KIAA0513: variants seen among roughly 807,000 people sequenced by gnomAD.
The protein encoded by KIAA0513 is uncharacterized protein KIAA0513.
KIAA0513 carries 39 observed loss-of-function variants against 56.5 expected under a neutral mutation model. The observed-to-expected ratio is 0.69, with a 90% CI of 0.53 to 0.90. KIAA0513 has a LOEUF of 0.90. KIAA0513 is among the 40% of genes least tolerant of loss of function. The probability of loss-of-function intolerance (pLI) is 0.00; values close to 1 mark genes in which losing one functional copy is unlikely to be tolerated. For synonymous variants in KIAA0513, 268 were observed against 215.6 expected (o/e 1.24, Z -2.13); for missense variants, 591 against 535.2 (o/e 1.10, Z -1.03).
At chr16:85,077,221 G>T (rs1385123833) in intron 5 of KIAA0513, among the ~76,000 whole-genome samples, 5 of 152,154 alleles carry the variant, frequency 3.3e-5, no homozygotes, top group Non-Finnish European at 7.4e-5. Context: ...CACAGCAGGT[G>T]CTGGGGGCAC....
chr16:85,043,009 ATTTT>A (rs1410776324), intron 1 of KIAA0513, among the ~76,000 whole-genome samples: 1 of 152,210 alleles, frequency 6.6e-6, no homozygotes, highest in Non-Finnish European at 1.5e-5. Flanking sequence ...AAACATCTTT[ATTTT>A]TAACAACTAC....
chr16:85,029,703 G>A (rs955871045), intron 1 of KIAA0513, among the ~76,000 whole-genome samples: 3 of 152,128 alleles, frequency 2.0e-5, no homozygotes, highest in Non-Finnish European at 4.4e-5. Flanking sequence ...CAGCAGCCTG[G>A]GGCAGTTTTT....
rs190500758 is a variant in KIAA0513, at chr16:85,089,288, T to G, written c.*963T>G. 4 of 152,464 alleles carry G rather than the reference T, an allele frequency of 2.6e-5. No homozygotes were observed. Among genetic ancestry groups the G allele is most frequent in the Non-Finnish European group, 4.4e-5 (3 of 68,122 alleles). The allele number at this position is 152,464 out of a possible 1,614,324, so 9.4% of individuals were successfully genotyped here. ...AGTCTGAGTTGGGAGTGACAGTGGC[T>G]GGAGAGAAGCAGATCTGTGCAACGT... On this transcript the variant is annotated 3_prime_UTR_variant, in exon 13 of 13. Transcript: ENST00000683363. This position sits in a 1 kb window ranked among gnomAD's most constrained non-coding sequence, Gnocchi z 4.2.
chr16:85,037,947 C>G (rs113616263), intron 1 of KIAA0513, among the ~76,000 whole-genome samples: 1 of 152,206 alleles, frequency 6.6e-6, no homozygotes, highest in East Asian at 1.9e-4. Flanking sequence ...TGCTAGCATG[C>G]CAGTCCACTC....
At chr16:85,061,639 C>G (rs1250506625) in intron 1 of KIAA0513, among the ~76,000 whole-genome samples, 1 of 152,156 alleles carries the variant, frequency 6.6e-6, no homozygotes. Flanking sequence ...CTGCAGGGAG[C>G]TCTTGTCTGA....
At chr16:85,067,516 T>G (rs372989477) in intron 2 of KIAA0513, 116 bp downstream of exon 2, 16 of 803,416 alleles carry the variant, frequency 2.0e-5, no homozygotes, top group African/African-American at 1.7e-4. Context: ...GAGCTTCCAT[T>G]TCCCCATCAG....
intron 1 of KIAA0513, among the ~76,000 whole-genome samples, chr16:85,044,516 T>A (rs76494307): frequency 0.02 from 3,007 of 151,834 alleles, 35 homozygotes; most frequent in Non-Finnish European, 0.022. Context: ...TTTTATTTTT[T>A]TTTTTTTTTG....
chr16:85,028,076 C>T (rs1171811340), intron 1 of KIAA0513, among the ~76,000 whole-genome samples: 1 of 152,142 alleles, frequency 6.6e-6, no homozygotes, highest in African/African-American at 2.4e-5. Flanking sequence ...GGCTCCTCGC[C>T]TGCTGGGAGG....
At chr16:85,035,605 C>G (rs2073024791) in intron 1 of KIAA0513, among the ~76,000 whole-genome samples, 2 of 152,194 alleles carry the variant, frequency 1.3e-5, no homozygotes, top group South Asian at 4.1e-4. Context: ...ATCCTCCCAC[C>G]TCAGCCTGCC....
chr16:85,042,379 G>A (rs1403735775), intron 1 of KIAA0513, among the ~76,000 whole-genome samples: 2 of 151,868 alleles, frequency 1.3e-5, no homozygotes, highest in Non-Finnish European at 2.9e-5. Flanking sequence ...ATCCACCCCG[G>A]TGTACTGCAG....
chr16:85,071,598 G>C (rs192763404), intron 2 of KIAA0513, among the ~76,000 whole-genome samples, 185 bp from the exon 3 acceptor site: 1 of 152,328 alleles, frequency 6.6e-6, no homozygotes, highest in East Asian at 1.9e-4. Context: ...CCTCGCCTTT[G>C]AAATAATAGT....
intron 1 of KIAA0513, among the ~76,000 whole-genome samples, chr16:85,033,155 T>C (rs911990633): frequency 2.0e-5 from 3 of 152,206 alleles, no homozygotes; most frequent in South Asian, 2.1e-4. Flanking sequence ...ATGATCCTTA[T>C]GATTTGCGAG....
At chr16:85,085,355 C>T (rs1331707749) in intron 10 of KIAA0513, among the ~76,000 whole-genome samples, 9 of 152,260 alleles carry the variant, frequency 5.9e-5, no homozygotes, top group African/African-American at 2.2e-4. Flanking sequence ...CCAGTGACCT[C>T]TCGTGGGCCA....
At chr16:85,040,046 C>G (rs1006961024) in intron 1 of KIAA0513, among the ~76,000 whole-genome samples, 3 of 151,896 alleles carry the variant, frequency 2.0e-5, no homozygotes, top group African/African-American at 7.3e-5. Flanking sequence ...GTTGGCCAGG[C>G]TAGTCTCGAA....
In KIAA0513 at chr16:85,059,579, C is replaced by T. The variant is rs1372016339; in HGVS notation, c.-172-7321C>T. Among the ~76,000 whole-genome samples the T allele has an allele frequency of 2.0e-5, 3 of 152,244 alleles. No homozygotes were observed. The East Asian group carries it at 5.8e-4, about 29-fold the overall frequency. On this transcript the variant is annotated intron_variant, in intron 1 of 12. Coordinates refer to ENST00000683363, the MANE Select transcript of KIAA0513 (RefSeq NM_001388359.1). ...GGTGGTCCCCGCACACACCCCTCTT[C>T]TCCAGCCCCACGTTTCTCATCTCTC...
chr16:85,038,726 AT>A (rs71807676), intron 1 of KIAA0513, among the ~76,000 whole-genome samples: 7,189 of 108,750 alleles, frequency 0.066, 720 homozygotes, highest in African/African-American at 0.16. Context: ...AAAAAAAATA[AT>A]AATAATAATA....
chr16:85,066,929 A>T lies in KIAA0513; in HGVS notation c.-143A>T. 2 of 620,252 alleles carry T rather than the reference A, an allele frequency of 3.2e-6. No homozygotes were observed. The highest frequency in any genetic ancestry group is 5.5e-6 in the Non-Finnish European group (2 of 362,838). 38.4% of individuals were successfully genotyped at this position (620,252 alleles called of 1,614,324 possible). The stretch of plus-strand genomic sequence containing the variant: ...CGTAGGGCCAGGTGAGCTGCTGTGA[A>T]GGACTCATTCTTGGTAGCCGGCAGT... On this transcript the variant is annotated 5_prime_UTR_variant, in exon 2 of 13. In the 5' UTR this introduces an upstream ATG that the reference lacks. Coordinates refer to ENST00000683363, the MANE Select transcript of KIAA0513 (RefSeq NM_001388359.1).
intron 7 of KIAA0513, among the ~76,000 whole-genome samples, 188 bp downstream of exon 7, chr16:85,078,643 G>C (rs1420419445): frequency 1.3e-5 from 2 of 152,250 alleles, no homozygotes; most frequent in Non-Finnish European, 2.9e-5. Context: ...GGAAGAGCCA[G>C]TTTTCTCAGG....
chr16:85,060,209 C>T (rs72658744), intron 1 of KIAA0513, among the ~76,000 whole-genome samples: 12,763 of 152,238 alleles, frequency 0.084, 1,731 homozygotes, highest in African/African-American at 0.28. Flanking sequence ...GATCCTCCTG[C>T]CTCAGCCTCC....
Sources: gnomAD v4.1 joint callset for allele counts (sites outside exome capture counted in the v4.1 genomes callset) on GRCh38, gnomAD v4.1.1 for gene constraint, Gnocchi (gnomAD v3.1) non-coding constraint, MANE v1.5 for transcripts, NCBI Gene and HGNC (gene_info 2026-07-23, HGNC 2026-07-21) for gene names.